The following DNAH5 variants were observed in gnomAD, a reference collection of about 807,000 sequenced individuals.
The protein encoded by DNAH5 is axonemal beta dynein heavy chain 5.
In DNAH5, 372 loss-of-function variants were observed where a neutral mutation model predicts 518.2. The ratio of observed to expected loss-of-function variants is 0.72; its 90% CI spans 0.66 to 0.78. The LOEUF (loss-of-function observed/expected upper bound fraction) is 0.78. Ranked by LOEUF, DNAH5 falls within the 30% of genes least tolerant of loss-of-function variation. The pLI is 0.00. For missense variants in DNAH5, 5,523 were observed against 5,687.0 expected (o/e 0.97, Z 0.93); for synonymous variants, 2,039 against 2,025.9 (o/e 1.01, Z -0.17).
intron 1 of DNAH5, among the ~76,000 whole-genome samples, chr5:13,991,273 G>A (rs1407354568): frequency 1.3e-5 from 2 of 152,150 alleles, no homozygotes; most frequent in Non-Finnish European, 2.9e-5. Flanking sequence ...CAAGACCAGA[G>A]AGCTGAAAGG....
chr5:13,731,549 A>T (rs1746559960), intron 68 of DNAH5, among the ~76,000 whole-genome samples: 1 of 152,226 alleles, frequency 6.6e-6, no homozygotes, highest in Admixed American at 6.5e-5. Context: ...TAATGTGGTA[A>T]CAAATTAAAT....
chr5:13,880,463 C>A (rs1355294401), intron 21 of DNAH5, among the ~76,000 whole-genome samples: 2 of 151,646 alleles, frequency 1.3e-5, no homozygotes, highest in African/African-American at 4.8e-5. Flanking sequence ...AGTTAAGAGG[C>A]AAAACTACTA....
chr5:13,745,839 A>C (rs1749254976), intron 65 of DNAH5, among the ~76,000 whole-genome samples: 1 of 152,036 alleles, frequency 6.6e-6, no homozygotes, highest in Non-Finnish European at 1.5e-5. Flanking sequence ...AAATCAATAA[A>C]ATTTCAAATT....
intron 27 of DNAH5, among the ~76,000 whole-genome samples, chr5:13,865,064 C>A (rs7715986): frequency 1.4e-5 from 2 of 146,906 alleles, no homozygotes; most frequent in South Asian, 2.2e-4. Context: ...GTGCAATCTC[C>A]GCCCACTGCA....
intron 35 of DNAH5, among the ~76,000 whole-genome samples, chr5:13,832,477 G>A (rs908973726): frequency 1.3e-5 from 2 of 152,226 alleles, no homozygotes; most frequent in East Asian, 1.9e-4. Context: ...CTACATGTGA[G>A]TGTATCTCCC....
Position 13,792,094 on chromosome 5 carries a change from G to C in DNAH5, c.8348C>G (p.Pro2783Arg), listed in dbSNP as rs1476598827. 6.2e-7 allele frequency: 1 copy of C among 1,614,006 alleles called. No individual in the cohort carries two copies. The highest frequency in any genetic ancestry group is 1.3e-5 in the African/African-American group (1 of 75,040). Residue 2783 changes from proline (P) to arginine (R), a missense_variant, in exon 50 of 79, where the codon CCT (proline) becomes CGT (arginine). By Grantham distance (103) the Pro-to-Arg change is moderately radical (BLOSUM62 -2). This residue lies in a region of DNAH5 where 5,121 missense variants were observed against 5,223.3 expected (regional missense o/e 0.98). Coordinates refer to ENST00000265104, the MANE Select transcript of DNAH5 (RefSeq NM_001369.3). ...CACATAATGGAATTTTGCAGGGGTA[G>C]GAAGCATTTTAATCTTGGTCATCTG... ...LWQMTKIKML[P>R]TPAKFHYVFN...
intron 35 of DNAH5, among the ~76,000 whole-genome samples, chr5:13,836,329 T>C (rs1040899060): frequency 6.6e-6 from 1 of 151,546 alleles, no homozygotes. Flanking sequence ...GAGTTTGGGG[T>C]TTTTGAAGCC....
chr5:13,975,951 G>A (rs1782206992), intron 1 of DNAH5, among the ~76,000 whole-genome samples: 1 of 152,176 alleles, frequency 6.6e-6, no homozygotes, highest in Admixed American at 6.5e-5. Flanking sequence ...CGGGAAGACT[G>A]CTTGAGCCTA....
chr5:13,764,263 C>G (rs148041499), intron 59 of DNAH5, among the ~76,000 whole-genome samples: 9 of 152,140 alleles, frequency 5.9e-5, no homozygotes, highest in Non-Finnish European at 1.3e-4. Context: ...AGAAATTGGA[C>G]TACATTAAAC....
At chr5:13,719,876 AATAAGCCAT>A (rs1283583213) in intron 71 of DNAH5, among the ~76,000 whole-genome samples, 9 of 152,336 alleles carry the variant, frequency 5.9e-5, no homozygotes, top group Non-Finnish European at 2.9e-5. Flanking sequence ...CTTAGAAAAT[AATAAGCCAT>A]ATATTTTGCC....
intron 34 of DNAH5, among the ~76,000 whole-genome samples, chr5:13,839,946 C>A (rs1173208575): frequency 6.6e-6 from 1 of 152,108 alleles, no homozygotes; most frequent in Non-Finnish European, 1.5e-5. Context: ...TAACAAAGTA[C>A]GCTGTTGGGG....
chr5:13,754,872 G>A (rs1273190950), intron 61 of DNAH5, among the ~76,000 whole-genome samples: 9 of 151,752 alleles, frequency 5.9e-5, no homozygotes, highest in Non-Finnish European at 1.2e-4. Flanking sequence ...GGTTCCGGTG[G>A]CTCACACCTG....
intron 52 of DNAH5, among the ~76,000 whole-genome samples, chr5:13,784,081 G>C (rs974273879): frequency 6.6e-6 from 1 of 152,124 alleles, no homozygotes; most frequent in Non-Finnish European, 1.5e-5. Context: ...CATCATCTGG[G>C]CTGCGAATCA....
At chr5:13,949,808 G>C (rs546514548) in intron 1 of DNAH5, among the ~76,000 whole-genome samples, 1 of 152,292 alleles carries the variant, frequency 6.6e-6, no homozygotes, top group East Asian at 1.9e-4. Context: ...TGTCTTCCCT[G>C]GTAACACTTC....
intron 36 of DNAH5, among the ~76,000 whole-genome samples, 163 bp from the exon 37 acceptor site, chr5:13,830,376 T>G (rs749568844): frequency 1.4e-4 from 22 of 151,906 alleles, no homozygotes; most frequent in Non-Finnish European, 3.1e-4. Flanking sequence ...AGCTTACAAT[T>G]TGGCACTTCA....
chr5:13,786,627 G>A (rs1170398766), intron 51 of DNAH5, among the ~76,000 whole-genome samples: 3 of 152,128 alleles, frequency 2.0e-5, no homozygotes, highest in African/African-American at 7.2e-5. Flanking sequence ...CTGATTATTG[G>A]CATTTCAAAG....
chr5:13,850,503 G>C (rs113625511), intron 31 of DNAH5, 149 bp downstream of exon 31: 1 of 685,858 alleles, frequency 1.5e-6, no homozygotes, highest in Non-Finnish European at 2.6e-6. Context: ...AGAATATAAG[G>C]CTTCAAAATA....
At chr5:13,892,137 C>T (rs149584342) in intron 16 of DNAH5, among the ~76,000 whole-genome samples, 100 of 152,256 alleles carry the variant, frequency 6.6e-4, no homozygotes, top group Non-Finnish European at 1.2e-3. Context: ...ATTAAAGAGG[C>T]TACTCAAGAT....
At chr5:13,773,905 G>A (rs67731984) in intron 55 of DNAH5, among the ~76,000 whole-genome samples, 45,802 of 150,904 alleles carry the variant, frequency 0.3, 7,426 homozygotes, top group South Asian at 0.42. Flanking sequence ...AGCATTGCAT[G>A]GAACACAACT....
Sources: allele counts gnomAD v4.1 joint callset (sites outside exome capture counted in the v4.1 genomes callset), GRCh38; gene constraint gnomAD v4.1.1; regional missense constraint gnomAD v4.1.1; transcripts MANE v1.5; gene names NCBI Gene and HGNC (gene_info 2026-07-23, HGNC 2026-07-21).